AFF1: variants seen among roughly 807,000 people sequenced by gnomAD.
AFF1 encodes the protein AF4/FMR2 family member 1.
AFF1 carries 48 observed loss-of-function variants against 121.7 expected under a neutral mutation model. That is an observed-to-expected ratio of 0.39 (90% CI 0.31 to 0.50). The LOEUF (loss-of-function observed/expected upper bound fraction) is 0.50. Ranked by LOEUF, AFF1 falls within the 20% of genes least tolerant of loss-of-function variation. The pLI is 0.76. For synonymous variants in AFF1, 613 were observed against 563.0 expected, an observed-to-expected ratio of 1.09 and a Z score of -1.26; for missense variants, 1,523 against 1,511.7, an observed-to-expected ratio of 1.01 and a Z score of -0.12.
chr4:86,990,655 C>A (rs1724629005), intron 2 of AFF1, among the ~76,000 whole-genome samples: 1 of 152,036 alleles, frequency 6.6e-6, no homozygotes, highest in Admixed American at 6.6e-5. Context: ...AAATTGCTGT[C>A]ATCAAGGTTT....
At chr4:87,100,586 G>C (rs938726387) in intron 8 of AFF1, among the ~76,000 whole-genome samples, 1 of 152,110 alleles carries the variant, frequency 6.6e-6, no homozygotes, top group Non-Finnish European at 1.5e-5. Flanking sequence ...TTGAGAAATG[G>C]TGTATTTTAG....
At position 87,016,106 on chromosome 4, in the gene AFF1, G is replaced by A. The variant is rs182678502; in HGVS notation, c.39-30060G>A. ...TGAGGCAGGAGAATTGCTTGAACTC[G>A]GGAGGTGGAGGTTGCAGTTAGCCAA... On this transcript the variant is annotated intron_variant, in intron 2 of 20. Transcript: ENST00000395146. 2.8e-3 allele frequency among the ~76,000 whole-genome samples: 420 copies of A among 152,166 alleles called. 5 individuals are homozygous for A. Among genetic ancestry groups the A allele is most frequent in the African/African-American group, 8.4e-3 (347 of 41,510 alleles).
chr4:87,019,351 T>C (rs181292562), intron 2 of AFF1, among the ~76,000 whole-genome samples: 1 of 152,326 alleles, frequency 6.6e-6, no homozygotes, highest in Admixed American at 6.5e-5. Flanking sequence ...TGTGACCTTC[T>C]CTTATCTTCC....
intron 6 of AFF1, among the ~76,000 whole-genome samples, chr4:87,090,570 AT>A (rs1231027494): frequency 1.3e-5 from 2 of 152,018 alleles, no homozygotes; most frequent in Non-Finnish European, 2.9e-5. Context: ...CTTTTTTTTA[AT>A]TTATACTTTT....
intron 4 of AFF1, chr4:87,049,523 T>C (rs62306513): frequency 0.01 from 4,011 of 385,834 alleles, 26 homozygotes; most frequent in Non-Finnish European, 0.016. Context: ...AATTGGCTCT[T>C]GCATGTTTTC....
intron 4 of AFF1, among the ~76,000 whole-genome samples, chr4:87,080,318 C>G (rs2149695343): frequency 6.6e-6 from 1 of 152,314 alleles, no homozygotes; most frequent in East Asian, 1.9e-4. Context: ...TTGATTCATG[C>G]AACTATCATA....
At position 87,045,339 on chromosome 4, in the gene AFF1, G is replaced by C. The variant is rs908556022; in HGVS notation, c.39-827G>C. Among the ~76,000 whole-genome samples, 3 of 151,912 alleles carry C rather than the reference G, an allele frequency of 2.0e-5. No homozygotes were observed. The South Asian group carries it at 6.2e-4, about 32-fold the overall frequency. ...TTTTAATCATACATTGCGTGTGAGG[G>C]CTGGGAAGTGACCCTTGGTGCTGAC... On this transcript the variant is annotated intron_variant, in intron 2 of 20. Transcript: ENST00000395146.
chr4:87,039,753 G>A (rs1345567856), intron 2 of AFF1, among the ~76,000 whole-genome samples: 1 of 152,192 alleles, frequency 6.6e-6, no homozygotes, highest in African/African-American at 2.4e-5. Context: ...CTTGGCTACT[G>A]AAAGGAGAAT....
intron 14 of AFF1, 43 bp downstream of exon 14, chr4:87,126,379 C>A: frequency 6.4e-7 from 1 of 1,566,604 alleles, no homozygotes; most frequent in Non-Finnish European, 8.8e-7. Flanking sequence ...GGATGCATTG[C>A]TGTACCTTTA....
At chr4:86,980,044 G>A (rs1255713169) in intron 2 of AFF1, among the ~76,000 whole-genome samples, 1 of 152,152 alleles carries the variant, frequency 6.6e-6, no homozygotes, top group African/African-American at 2.4e-5. Context: ...CCGAGTAGGT[G>A]GGACTACAGG....
At position 87,072,362 on chromosome 4, in the gene AFF1, C is replaced by CAAA. The variant is rs533054826; in HGVS notation, c.1060-11740_1060-11738dup. On this transcript the variant is annotated intron_variant, in intron 4 of 20. Coordinates refer to ENST00000395146, the MANE Select transcript of AFF1 (RefSeq NM_001166693.3). ...TGGGCAACAGAGCGAGACTCCGTCT[C>CAAA]AAAAAAAAAAAAAAAAAAAATTTAA... is the stretch of plus-strand genomic sequence containing the variant. 1.0e-4 allele frequency among the ~76,000 whole-genome samples: 11 copies of CAAA among 109,086 alleles called. No individual in the cohort carries two copies. In the East Asian group the frequency reaches 1.0e-3, roughly 10 times the overall value. The allele number at this position is 109,086 out of a possible 152,430, so 71.6% of individuals were successfully genotyped here.
intron 2 of AFF1, among the ~76,000 whole-genome samples, chr4:86,963,963 G>GTTTTTTTTTT (rs3035477): frequency 0.021 from 2,145 of 104,074 alleles, 52 homozygotes; most frequent in Non-Finnish European, 0.029. Context: ...GACTAGACTG[G>GTTTTTTTTTT]TTTTTTTTTT....
rs1291370533 is a variant in AFF1 at position 87,094,828 on chromosome 4, A to C, written c.1229-87A>C. On this transcript the variant is annotated intron_variant, in intron 7 of 20. Transcript: ENST00000395146. ...ACCAAGTGCAGTGTGTTTAGGTAAA[A>C]ACTGGGGACCGACATAAAAGAACTC... 159 of 1,309,984 alleles carry C rather than the reference A, an allele frequency of 1.2e-4. 1 individual carries two copies. The highest frequency in any genetic ancestry group is 1.2e-5 in the Non-Finnish European group (11 of 911,326). The allele number at this position is 1,309,984 out of a possible 1,614,324, so 81.1% of individuals were successfully genotyped here.
chr4:87,096,653 A>G (rs1229521528), intron 8 of AFF1, among the ~76,000 whole-genome samples: 1 of 152,000 alleles, frequency 6.6e-6, no homozygotes. Flanking sequence ...GGCTCAAATA[A>G]TTCTTTACCT....
Position 87,046,949 on chromosome 4 carries a change from C to T in AFF1, c.414C>T (p.His138=), listed in dbSNP as rs1320316248. The change falls in exon 4 of 21, where the codon CAC becomes CAT. Residue 138 remains histidine, a synonymous_variant. Transcript: ENST00000395146. ...CACTTTCTGTTGGCAACATTAGCCACAATCCAAAGATGGCGCAGCCAAGAA... is the reference window on the plus strand; with the variant it reads ...CACTTTCTGTTGGCAACATTAGCCATAATCCAAAGATGGCGCAGCCAAGAA... The part of the protein sequence containing the change: ...SGPLSVGNIS[H]NPKMAQPRTE... The T allele has an allele frequency of 6.2e-7, 1 of 1,614,236 alleles. No individual in the cohort carries two copies. The highest frequency in any genetic ancestry group is 2.2e-5 in the East Asian group (1 of 44,876).
At chr4:87,084,275 A>G (rs1723465561) in intron 5 of AFF1, 111 bp downstream of exon 5, 1 of 1,157,728 alleles carries the variant, frequency 8.6e-7, no homozygotes. Context: ...GCGGTGGCTC[A>G]TGCCTGTAAT....
intron 2 of AFF1, among the ~76,000 whole-genome samples, chr4:87,017,101 G>GTT (rs66466780): frequency 8.5e-5 from 9 of 106,336 alleles, no homozygotes; most frequent in East Asian, 2.7e-4. Flanking sequence ...ATATATATGT[G>GTT]TTTTTTTTTT....
At chr4:86,972,580 C>T (rs536736332) in intron 2 of AFF1, among the ~76,000 whole-genome samples, 64 of 152,218 alleles carry the variant, frequency 4.2e-4, no homozygotes, top group African/African-American at 1.4e-3. Context: ...CTGTATTGCC[C>T]AGGCTGGAGT....
chr4:87,115,673 G>A (rs1412582698), intron 12 of AFF1, among the ~76,000 whole-genome samples: 3 of 142,652 alleles, frequency 2.1e-5, no homozygotes, highest in Non-Finnish European at 3.0e-5. Flanking sequence ...GCAGTGGTGC[G>A]ATCTTGGCTC....
Sources: gnomAD v4.1 joint callset for allele counts (sites outside exome capture counted in the v4.1 genomes callset) on GRCh38, gnomAD v4.1.1 for gene constraint, MANE v1.5 for transcripts, NCBI Gene and HGNC (gene_info 2026-07-23, HGNC 2026-07-21) for gene names.